The following MAML2 variants were observed in gnomAD, a reference collection of about 807,000 sequenced individuals.
The protein encoded by MAML2 is mastermind like transcriptional coactivator 2.
A neutral mutation model predicts 96.1 loss-of-function variants in MAML2; 22 were observed. The ratio of observed to expected loss-of-function variants is 0.23; its 90% confidence interval spans 0.16 to 0.33. The LOEUF (loss-of-function observed/expected upper bound fraction) is 0.33, where lower values mean the gene tolerates loss of function less well. MAML2 is among the 10% of genes least tolerant of loss of function. The probability of loss-of-function intolerance (pLI) is 1.00; values close to 1 mark genes in which losing one functional copy is unlikely to be tolerated. For synonymous variants in MAML2, 561 were observed against 521.3 expected, an observed-to-expected ratio of 1.08 and a Z score of -1.04; for missense variants, 1,367 against 1,392.4, an observed-to-expected ratio of 0.98 and a Z score of 0.29.
chr11:96,060,006 C>T (rs963049444), intron 2 of MAML2, among the ~76,000 whole-genome samples: 6 of 151,938 alleles, frequency 3.9e-5, no homozygotes, highest in African/African-American at 7.3e-5. Context: ...CTGCTGAAGG[C>T]GAAGATGTTC....
chr11:96,088,417 C>T (rs543321134), intron 2 of MAML2, among the ~76,000 whole-genome samples: 2 of 152,274 alleles, frequency 1.3e-5, no homozygotes, highest in South Asian at 4.1e-4. Flanking sequence ...AAGAGGTAAG[C>T]ACTTTTGGCT....
chr11:96,280,607 A>G (rs1863051588), intron 1 of MAML2, among the ~76,000 whole-genome samples: 1 of 152,212 alleles, frequency 6.6e-6, no homozygotes, highest in Admixed American at 6.5e-5. Flanking sequence ...TAGATGGTCA[A>G]GTGGGTCTGG....
chr11:96,115,029 G>C (rs1860210239), intron 1 of MAML2, among the ~76,000 whole-genome samples: 1 of 152,118 alleles, frequency 6.6e-6, no homozygotes, highest in Admixed American at 6.5e-5. Context: ...TTCAGGAGAG[G>C]ACACGGAAGT....
chr11:96,324,695 A>G (rs1000572420), intron 1 of MAML2, among the ~76,000 whole-genome samples: 5 of 152,174 alleles, frequency 3.3e-5, no homozygotes, highest in Non-Finnish European at 7.4e-5. Context: ...CCTATTCCCT[A>G]CTTGAATCTG....
chr11:96,311,940 G>A (rs1348085509), intron 1 of MAML2, among the ~76,000 whole-genome samples: 1 of 152,038 alleles, frequency 6.6e-6, no homozygotes, highest in African/African-American at 2.4e-5. Context: ...GATCTATGTA[G>A]CTAGAATGAG....
At chr11:96,102,572 CA>C (rs1859953606) in intron 1 of MAML2, among the ~76,000 whole-genome samples, 1 of 152,078 alleles carries the variant, frequency 6.6e-6, no homozygotes, top group Admixed American at 6.5e-5. Flanking sequence ...GCAGTGTAAA[CA>C]AAACTTGTTG....
At chr11:96,191,647 C>T (rs1861655071) in intron 1 of MAML2, among the ~76,000 whole-genome samples, 2 of 150,696 alleles carry the variant, frequency 1.3e-5, no homozygotes, top group South Asian at 2.1e-4. Flanking sequence ...TGGCGGGCGC[C>T]GGTAGTCTCA....
At chr11:96,114,228 A>T (rs1458678116) in intron 1 of MAML2, among the ~76,000 whole-genome samples, 1 of 152,160 alleles carries the variant, frequency 6.6e-6, no homozygotes, top group African/African-American at 2.4e-5. Context: ...CCCAGGAATC[A>T]TGTCTTCTGA....
chr11:96,305,551 C>A (rs1426577216), intron 1 of MAML2, among the ~76,000 whole-genome samples: 2 of 152,122 alleles, frequency 1.3e-5, no homozygotes, highest in African/African-American at 2.4e-5. Flanking sequence ...AATAATGAGA[C>A]AGGATGTATT....
chr11:96,184,261 T>C (rs1454667014), intron 1 of MAML2, among the ~76,000 whole-genome samples: 1 of 152,096 alleles, frequency 6.6e-6, no homozygotes, highest in East Asian at 1.9e-4. Context: ...ACCATCATGG[T>C]GAAACCCTGT....
intron 1 of MAML2, among the ~76,000 whole-genome samples, chr11:96,110,459 A>T (rs1276557703): frequency 1.2e-4 from 19 of 152,226 alleles, no homozygotes. Context: ...CCAACAGGAA[A>T]TGCAGAGAGG....
rs61749251 is a variant in MAML2, at chr11:96,092,591, G to T, written c.1440C>A (p.Ile480=). 8 of 1,610,174 alleles carry T rather than the reference G, an allele frequency of 5.0e-6. No homozygotes were observed. The highest frequency in any genetic ancestry group is 1.7e-4 in the Middle Eastern group (1 of 6,050). ...PSPGPFGQEK[I]PSPSFGQQTF... The stretch of plus-strand genomic sequence containing the variant: ...TCTGCTGACCAAAAGAAGGGCTGGG[G>T]ATTTTCTCCTGCCCAAATGGACCTG... Residue 480 remains isoleucine (I), a synonymous_variant, in exon 2 of 5, where the codon ATC becomes ATA. Transcript: ENST00000524717. The surrounding 1 kb of genome is among the most constrained non-coding windows in gnomAD (Gnocchi z 4.1).
intron 1 of MAML2, among the ~76,000 whole-genome samples, chr11:96,211,631 C>A (rs1861973335): frequency 6.6e-6 from 1 of 151,994 alleles, no homozygotes; most frequent in Non-Finnish European, 1.5e-5. Context: ...GGATGTCACA[C>A]ATCTGATGTC....
intron 1 of MAML2, among the ~76,000 whole-genome samples, chr11:96,106,443 A>C (rs1860022162): frequency 1.3e-5 from 2 of 152,230 alleles, no homozygotes; most frequent in Non-Finnish European, 2.9e-5. Flanking sequence ...CTATGAATTC[A>C]TCATCTTAAA....
rs552032172 is a variant in MAML2, at chr11:96,249,904, C to G, written c.513+91479G>C. Among the ~76,000 whole-genome samples the G allele has an allele frequency of 1.5e-4, 23 of 152,290 alleles. No individual in the cohort carries two copies. In the South Asian group the frequency reaches 4.8e-3, roughly 32 times the overall value. Reference sequence around the variant, plus strand: ...TGTCTTACTTAGAATAAGACCAAATCTTCGTATTGGTCTACAGAGCCCTAC... The same window carrying G: ...TGTCTTACTTAGAATAAGACCAAATGTTCGTATTGGTCTACAGAGCCCTAC... On this transcript the variant is annotated intron_variant, in intron 1 of 4. Transcript: ENST00000524717.
rs1172770615 is a variant in MAML2 at position 96,093,191 on chromosome 11, A to G, written c.840T>C (p.Asp280=). The stretch of plus-strand genomic sequence containing the variant: ...AAATATTCTCTTGGGTCATTTGGCC[A>G]TCCATGTGCTTACTGCAAGACAGAG... ...GETLSCSKHM[D]GQMTQENIFP... is the part of the protein sequence containing the mutation. The change falls in exon 2 of 5, where the codon GAT becomes GAC. Residue 280 remains aspartate (D), a synonymous_variant. Coordinates refer to ENST00000524717, the MANE Select transcript of MAML2 (RefSeq NM_032427.4). 1.2e-5 allele frequency: 19 copies of G among 1,614,044 alleles called. No homozygotes were observed. Among genetic ancestry groups the G allele is most frequent in the Non-Finnish European group, 1.5e-5 (18 of 1,179,894 alleles).
intron 2 of MAML2, among the ~76,000 whole-genome samples, chr11:96,061,325 C>A (rs796816592): frequency 6.6e-6 from 1 of 152,138 alleles, no homozygotes; most frequent in Non-Finnish European, 1.5e-5. Context: ...GCAATTTCAA[C>A]AGTTGGGTGA....
chr11:96,325,255 G>A (rs956016630), intron 1 of MAML2, among the ~76,000 whole-genome samples: 4 of 152,100 alleles, frequency 2.6e-5, no homozygotes, highest in African/African-American at 9.7e-5. Flanking sequence ...CATAGGTCCA[G>A]GAGCCCCAGG....
chr11:96,175,893 C>T lies in MAML2; in HGVS notation c.514-82376G>A, dbSNP rs76965255. 4.9e-4 allele frequency among the ~76,000 whole-genome samples: 74 copies of T among 152,222 alleles called. 2 individuals are homozygous for T. The East Asian group carries it at 0.011, about 23-fold the overall frequency. ...CTGGGATTACAGGCATGAGCCACAG[C>T]GCCTGGCCTTAAACCTCAGTTCTAT... On this transcript the variant is annotated intron_variant, in intron 1 of 4. Transcript: ENST00000524717.
Sources: allele counts gnomAD v4.1 joint callset (sites outside exome capture counted in the v4.1 genomes callset), GRCh38; gene constraint gnomAD v4.1.1; non-coding constraint Gnocchi (gnomAD v3.1); transcripts MANE v1.5; gene names NCBI Gene and HGNC (gene_info 2026-07-23, HGNC 2026-07-21).